RTN3: variants seen among roughly 807,000 people sequenced by gnomAD.
The protein encoded by RTN3 is reticulon-3.
Under a neutral mutation model 77.8 loss-of-function variants are expected in RTN3, and 49 were observed. The ratio of observed to expected loss-of-function variants is 0.63; its 90% CI spans 0.50 to 0.80. The LOEUF (loss-of-function observed/expected upper bound fraction) is 0.80. Ranked by LOEUF, RTN3 falls within the 30% of genes least tolerant of loss-of-function variation. RTN3 has a pLI of 0.00. For missense variants in RTN3, 1,236 were observed against 1,211.9 expected, an observed-to-expected ratio of 1.02 and a Z score of -0.29; for synonymous variants, 464 against 446.9, an observed-to-expected ratio of 1.04 and a Z score of -0.48.
At chr11:63,697,308 A>G (rs545789441) in intron 1 of RTN3, among the ~76,000 whole-genome samples, 1 of 147,176 alleles carries the variant, frequency 6.8e-6, no homozygotes, top group Non-Finnish European at 1.5e-5. Context: ...CTTTTTTTTT[A>G]TTTTTATTTT....
At chr11:63,735,567 T>TCTCC (rs1288607390) in intron 3 of RTN3, among the ~76,000 whole-genome samples, 10 of 143,616 alleles carry the variant, frequency 7.0e-5, no homozygotes, top group Non-Finnish European at 1.2e-4. Context: ...TCTCTCTCTC[T>TCTCC]CTCTCTCTCT....
At chr11:63,744,462 A>G (rs1011552579) in intron 3 of RTN3, among the ~76,000 whole-genome samples, 18 of 152,210 alleles carry the variant, frequency 1.2e-4, no homozygotes, top group Admixed American at 2.0e-4. Context: ...GGTATCATCT[A>G]TCGCTCCTAG....
rs551551739 is a variant in RTN3, at chr11:63,741,536, A to G, written c.2531-8455A>G. Among the ~76,000 whole-genome samples the G allele has an allele frequency of 3.3e-4, 43 of 128,630 alleles. 1 individual carries two copies. The East Asian group carries it at 4.5e-3, about 13-fold the overall frequency. The allele number at this position is 128,630 out of a possible 152,430, so 84.4% of individuals were successfully genotyped here. ...TTTTTTTGAGACAGCGTCTCATTCT[A>G]TTGCCCAGGCTGGAATGCAGTGGCA... On this transcript the variant is annotated intron_variant, in intron 3 of 8. Transcript: ENST00000377819.
At chr11:63,752,376 T>G in intron 4 of RTN3, 131 bp from the exon 5 acceptor site, 3 of 782,454 alleles carry the variant, frequency 3.8e-6, no homozygotes, top group Non-Finnish European at 6.3e-6. Flanking sequence ...CCCCACCTGA[T>G]GACAACAAAA....
intron 7 of RTN3, 68 bp from the exon 8 acceptor site, chr11:63,756,044 A>G: frequency 9.6e-7 from 1 of 1,044,634 alleles, no homozygotes. Context: ...TAGACAAAAG[A>G]GCCGTGCCTT....
In RTN3 at chr11:63,746,219, A is replaced by G. The variant is rs540039970; in HGVS notation, c.2531-3772A>G. Among the ~76,000 whole-genome samples, 16 of 152,222 alleles carry G rather than the reference A, an allele frequency of 1.1e-4. No individual in the cohort carries two copies. The South Asian group carries it at 3.3e-3, about 32-fold the overall frequency. On this transcript the variant is annotated intron_variant, in intron 3 of 8. Coordinates refer to ENST00000377819, the MANE Select transcript of RTN3 (RefSeq NM_001265589.2). Reference sequence around the variant, plus strand: ...TCTCTGGGTCCTAGCCTCATTCTCTAAGTTTCCTCTTCCTGTCTTTCAAAT... The same window carrying G: ...TCTCTGGGTCCTAGCCTCATTCTCTGAGTTTCCTCTTCCTGTCTTTCAAAT...
intron 8 of RTN3, among the ~76,000 whole-genome samples, chr11:63,757,332 T>A (rs2014429254): frequency 6.6e-6 from 1 of 152,118 alleles, no homozygotes; most frequent in African/African-American, 2.4e-5. Flanking sequence ...ATTTTTTTTC[T>A]TTTTTCTTTT....
chr11:63,750,090 G>T lies in RTN3; in HGVS notation c.2630G>T (p.Ser877Ile), dbSNP rs760647925. The T allele has an allele frequency of 7.4e-6, 12 of 1,613,410 alleles. No homozygotes were observed. The highest frequency in any genetic ancestry group is 4.5e-5 in the East Asian group (2 of 44,898). Residue 877 changes from serine (S) to isoleucine (I), a missense_variant, in exon 4 of 9, where the codon AGT becomes ATT. Ser to Ile is a moderately radical substitution (Grantham distance 142). Transcript: ENST00000377819. ...TCCCTGGCAGCTTTCAGTGTCATCA[G>T]TGTGGTTTCTTACCTCATCCTGGCT... ...LLSLAAFSVISVVSYLILALL... is the reference protein window; with the variant it reads ...LLSLAAFSVIIVVSYLILALL...
At chr11:63,708,839 A>C (rs1942614847) in intron 2 of RTN3, among the ~76,000 whole-genome samples, 1 of 152,210 alleles carries the variant, frequency 6.6e-6, no homozygotes, top group Non-Finnish European at 1.5e-5. Context: ...GTTTCAAAAT[A>C]GTGGATTACA....
intron 4 of RTN3, chr11:63,750,412 C>T: frequency 1.9e-6 from 1 of 533,034 alleles, no homozygotes; most frequent in East Asian, 3.1e-5. Context: ...GAGGCTCATA[C>T]TTGAAGTTCA....
chr11:63,716,969 AAAAAAAAAAC>A (rs1393465824), intron 2 of RTN3, among the ~76,000 whole-genome samples: 3 of 109,748 alleles, frequency 2.7e-5, no homozygotes, highest in Non-Finnish European at 5.5e-5. Flanking sequence ...ACTCCGTCTC[AAAAAAAAAAC>A]AAAAAAAAAA....
intron 1 of RTN3, among the ~76,000 whole-genome samples, chr11:63,683,170 T>C (rs1412498056): frequency 1.3e-5 from 2 of 152,166 alleles, no homozygotes; most frequent in Admixed American, 1.3e-4. Flanking sequence ...GCCATTTCAG[T>C]AGAAACAGGC....
chr11:63,751,719 C>T (rs1565046226), intron 4 of RTN3, among the ~76,000 whole-genome samples: 1 of 152,108 alleles, frequency 6.6e-6, no homozygotes, highest in Admixed American at 6.6e-5. Flanking sequence ...AGTTCAGGTG[C>T]GGTGACTTAC....
rs2509746 is a variant in RTN3, at chr11:63,700,456, T to A, written c.143-4395T>A. Among the ~76,000 whole-genome samples, 315 of 151,122 alleles carry A rather than the reference T, an allele frequency of 2.1e-3. 2 individuals are homozygous for A. Among genetic ancestry groups the A allele is most frequent in the African/African-American group, 7.0e-3 (287 of 41,286 alleles). On this transcript the variant is annotated intron_variant, in intron 1 of 8. Coordinates refer to ENST00000377819, the MANE Select transcript of RTN3 (RefSeq NM_001265589.2). ...ACACCCAGCTAATTTTTTTTTTTTT[T>A]AATTTTTTGTGGAGACAGGATCTCA...
chr11:63,757,051 A>C (rs1054417793), intron 8 of RTN3, among the ~76,000 whole-genome samples: 15 of 152,310 alleles, frequency 9.8e-5, no homozygotes, highest in East Asian at 7.7e-4. Context: ...TCAAAAAAAA[A>C]CCAAAAAGTT....
rs144433263 is a variant in RTN3, at chr11:63,718,804, A to G, written c.302A>G (p.His101Arg). The change falls in exon 3 of 9, where the codon CAT (histidine) becomes CGT (arginine). Residue 101 changes from histidine (H) to arginine (R), a missense_variant. This residue lies in a region of RTN3 where 1,056 missense variants were observed against 990.4 expected (regional missense o/e 1.07). Coordinates refer to ENST00000377819, the MANE Select transcript of RTN3 (RefSeq NM_001265589.2). ...CATAACACTGGCCTTACAATACTACATGGAGAAAAAAGCCATGTGTTAGGG... is the reference window on the plus strand; with the variant it reads ...CATAACACTGGCCTTACAATACTACGTGGAGAAAAAAGCCATGTGTTAGGG... ...EIHNTGLTILHGEKSHVLGSQ... is the reference protein window; with the variant it reads ...EIHNTGLTILRGEKSHVLGSQ... The G allele has an allele frequency of 1.9e-6, 3 of 1,613,870 alleles. No individual in the cohort carries two copies. Among genetic ancestry groups the G allele is most frequent in the African/African-American group, 2.7e-5 (2 of 74,908 alleles).
In RTN3 at chr11:63,704,873, C is replaced by G; in HGVS notation, c.165C>G (p.Ser55=). ...SCADSFVSSS[S]SQPVSLFSTS... is the part of the protein sequence containing the mutation. ...CAGATTCCTTTGTTTCTTCCTCTTCCTCTCAGCCTGTATCTCTATTTTCGA... is the reference window on the plus strand; with the variant it reads ...CAGATTCCTTTGTTTCTTCCTCTTCGTCTCAGCCTGTATCTCTATTTTCGA... The change falls in exon 2 of 9, where the codon TCC becomes TCG. Residue 55 remains serine (S), a synonymous_variant. Transcript: ENST00000377819. The G allele has an allele frequency of 1.2e-6, 2 of 1,611,968 alleles. No individual in the cohort carries two copies. Among genetic ancestry groups the G allele is most frequent in the Non-Finnish European group, 1.7e-6 (2 of 1,178,360 alleles).
chr11:63,752,392 C>G (rs755759205), intron 4 of RTN3, 115 bp from the exon 5 acceptor site: 2 of 933,140 alleles, frequency 2.1e-6, no homozygotes, highest in Non-Finnish European at 3.3e-6. Context: ...CAAAAAAATG[C>G]TCCTACAGGT....
intron 3 of RTN3, among the ~76,000 whole-genome samples, chr11:63,749,696 T>TA (rs2013997463): frequency 2.0e-5 from 3 of 152,184 alleles, no homozygotes; most frequent in Non-Finnish European, 4.4e-5. Flanking sequence ...CCTCGTGAGT[T>TA]ATCACCCCTG....
Sources: allele counts gnomAD v4.1 joint callset (sites outside exome capture counted in the v4.1 genomes callset), GRCh38; gene constraint gnomAD v4.1.1; regional missense constraint gnomAD v4.1.1; transcripts MANE v1.5; gene names NCBI Gene and HGNC (gene_info 2026-07-23, HGNC 2026-07-21).